The following SLC4A10 variants were observed in gnomAD, a reference collection of about 807,000 sequenced individuals.
SLC4A10 encodes solute carrier family 4 member 10.
A neutral mutation model predicts 137.7 loss-of-function variants in SLC4A10; 42 were observed. The observed-to-expected ratio is 0.30, with a 90% CI of 0.24 to 0.39. SLC4A10 has a LOEUF of 0.39. Ranked by LOEUF, SLC4A10 falls within the 10% of genes least tolerant of loss-of-function variation. The probability of loss-of-function intolerance (pLI) is 1.00; values close to 1 mark genes in which losing one functional copy is unlikely to be tolerated. For missense variants in SLC4A10, 925 were observed against 1,355.0 expected (o/e 0.68, Z 4.98); for synonymous variants, 474 against 464.1 (o/e 1.02, Z -0.27).
chr2:161,955,664 TAAGAAAAC>T (rs958169438), intron 19 of SLC4A10, among the ~76,000 whole-genome samples: 3 of 152,152 alleles, frequency 2.0e-5, no homozygotes, highest in African/African-American at 7.2e-5. Flanking sequence ...ACCTTCTTAC[TAAGAAAAC>T]AAGAAAACAA....
chr2:161,817,224 T>C (rs1205781247), intron 3 of SLC4A10, among the ~76,000 whole-genome samples: 1 of 152,262 alleles, frequency 6.6e-6, no homozygotes, highest in Non-Finnish European at 1.5e-5. Context: ...ATTTCTCTGA[T>C]GGCCAGTGAT....
Position 161,848,600 on chromosome 2 carries a change from G to A in SLC4A10, c.417-6370G>A, listed in dbSNP as rs1037725413. Among the ~76,000 whole-genome samples the A allele has an allele frequency of 3.6e-4, 54 of 152,026 alleles. 1 individual carries two copies. Among genetic ancestry groups the A allele is most frequent in the Non-Finnish European group, 4.4e-5 (3 of 68,008 alleles). On this transcript the variant is annotated intron_variant, in intron 4 of 26. Coordinates refer to ENST00000446997, the MANE Select transcript of SLC4A10 (RefSeq NM_001178015.2). ...GTCCCGTTTCAATCTTCTGCATATG[G>A]CTAGCCAGTTATCCCAGCAGCATTT...
intron 1 of SLC4A10, among the ~76,000 whole-genome samples, chr2:161,671,407 T>C (rs1048998706): frequency 1.3e-5 from 2 of 152,206 alleles, no homozygotes; most frequent in Non-Finnish European, 2.9e-5. Context: ...TATTTTGTTA[T>C]AGCAACACTA....
At chr2:161,981,051 G>C (rs1700151638) in intron 26 of SLC4A10, among the ~76,000 whole-genome samples, 1 of 152,170 alleles carries the variant, frequency 6.6e-6, no homozygotes, top group Non-Finnish European at 1.5e-5. Context: ...CTATGGTTAT[G>C]ATGAAGAGGG....
At chr2:161,827,299 G>A (rs2058078379) in intron 3 of SLC4A10, among the ~76,000 whole-genome samples, 1 of 152,028 alleles carries the variant, frequency 6.6e-6, no homozygotes, top group African/African-American at 2.4e-5. Context: ...CTCTCTTCCA[G>A]AATCCAATCT....
At chr2:161,726,097 T>A (rs2046192366) in intron 1 of SLC4A10, among the ~76,000 whole-genome samples, 2 of 152,188 alleles carry the variant, frequency 1.3e-5, no homozygotes, top group Admixed American at 6.5e-5. Context: ...AGATTATGTT[T>A]TATAGATTTA....
At position 161,933,183 on chromosome 2, in the gene SLC4A10, T is replaced by TTTC. The variant is rs1553631410; in HGVS notation, c.1998-9607_1998-9606insCTT. On this transcript the variant is annotated intron_variant, in intron 15 of 26. Transcript: ENST00000446997. ...CTTTCTTTCTCTTTCCCCTTCCTTC[T>TTTC]TTTCTTTCTTTCTTTCTTTCTTTCT... Among the ~76,000 whole-genome samples the TTTC allele has an allele frequency of 6.9e-4, 67 of 97,684 alleles. 1 individual carries two copies. The highest frequency in any genetic ancestry group is 4.8e-3 in the Middle Eastern group (1 of 208). 64.1% of individuals were successfully genotyped at this position (97,684 alleles called of 152,430 possible). A position where few individuals can be genotyped will look rare whatever the true frequency, so the allele number is the denominator to read the frequency against.
chr2:161,695,162 G>A (rs1178269431), intron 1 of SLC4A10, among the ~76,000 whole-genome samples: 1 of 152,020 alleles, frequency 6.6e-6, no homozygotes, highest in Non-Finnish European at 1.5e-5. Context: ...AATCTCTAGA[G>A]CCAATTGAGT....
chr2:161,739,504 C>T (rs1010397582), intron 1 of SLC4A10, among the ~76,000 whole-genome samples: 14 of 152,110 alleles, frequency 9.2e-5, no homozygotes, highest in Non-Finnish European at 1.3e-4. Flanking sequence ...GTTGGCCATC[C>T]AAATTGTGTA....
intron 1 of SLC4A10, among the ~76,000 whole-genome samples, chr2:161,701,330 A>G (rs1250488219): frequency 6.6e-6 from 1 of 152,052 alleles, no homozygotes; most frequent in African/African-American, 2.4e-5. Flanking sequence ...ATTTAAAAAG[A>G]CAAAACCTGT....
At position 161,822,671 on chromosome 2, in the gene SLC4A10, A is replaced by T. The variant is rs114916722; in HGVS notation, c.278-17118A>T. Among the ~76,000 whole-genome samples the T allele has an allele frequency of 8.7e-3, 1,322 of 152,280 alleles. 15 individuals are homozygous for T. The highest frequency in any genetic ancestry group is 0.03 in the African/African-American group (1,249 of 41,560). ...ATTATGTAGTTTTTGTATATTATGTATTTTTATATTAAAAATGTATGGGCC... is the reference window on the plus strand; with the variant it reads ...ATTATGTAGTTTTTGTATATTATGTTTTTTTATATTAAAAATGTATGGGCC... On this transcript the variant is annotated intron_variant, in intron 3 of 26. Coordinates refer to ENST00000446997, the MANE Select transcript of SLC4A10 (RefSeq NM_001178015.2).
At chr2:161,949,738 A>G (rs1285141377) in intron 18 of SLC4A10, among the ~76,000 whole-genome samples, 2 of 151,510 alleles carry the variant, frequency 1.3e-5, no homozygotes, top group African/African-American at 4.8e-5. Context: ...ATTTTGAAAT[A>G]TTTGCAAACA....
At chr2:161,887,016 C>G (rs2062379403) in intron 10 of SLC4A10, among the ~76,000 whole-genome samples, 1 of 152,032 alleles carries the variant, frequency 6.6e-6, no homozygotes, top group South Asian at 2.1e-4. Context: ...TGTTCAACTC[C>G]CACTTATAAG....
rs558258725 is a variant in SLC4A10, at chr2:161,832,720, T to C, written c.278-7069T>C. On this transcript the variant is annotated intron_variant, in intron 3 of 26. Coordinates refer to ENST00000446997, the MANE Select transcript of SLC4A10 (RefSeq NM_001178015.2). Reference sequence around the variant, plus strand: ...AGAGGAACAAGTTTGCATTTTCTTTTTTTGTTGTTGTTGTTTTGTTTTGTT... The same window carrying C: ...AGAGGAACAAGTTTGCATTTTCTTTCTTTGTTGTTGTTGTTTTGTTTTGTT... Among the ~76,000 whole-genome samples the C allele has an allele frequency of 6.6e-5, 10 of 151,724 alleles. No individual in the cohort carries two copies. The East Asian group carries it at 1.9e-3, about 29-fold the overall frequency.
intron 15 of SLC4A10, among the ~76,000 whole-genome samples, chr2:161,937,782 CAT>C (rs1197029105): frequency 6.6e-6 from 1 of 152,100 alleles, no homozygotes; most frequent in Non-Finnish European, 1.5e-5. Context: ...TGTTACCAAA[CAT>C]GTGGAACAAA....
At chr2:161,836,045 T>C (rs1056006695) in intron 3 of SLC4A10, among the ~76,000 whole-genome samples, 2 of 152,238 alleles carry the variant, frequency 1.3e-5, no homozygotes, top group African/African-American at 4.8e-5. Context: ...GTTAGATTTA[T>C]CCGTGACTGA....
chr2:161,817,730 A>G (rs1376334265), intron 3 of SLC4A10, among the ~76,000 whole-genome samples: 1 of 152,124 alleles, frequency 6.6e-6, no homozygotes, highest in East Asian at 1.9e-4. Context: ...CATTTATTAA[A>G]TAGGGAATTC....
intron 1 of SLC4A10, among the ~76,000 whole-genome samples, chr2:161,767,103 A>C (rs1490091727): frequency 7.1e-5 from 3 of 42,424 alleles, no homozygotes; most frequent in Non-Finnish European, 1.2e-4. Context: ...GCATATATAT[A>C]TATATATATA....
intron 1 of SLC4A10, among the ~76,000 whole-genome samples, chr2:161,714,389 A>G (rs574267517): frequency 2.6e-5 from 4 of 151,878 alleles, no homozygotes; most frequent in Non-Finnish European, 4.4e-5. Flanking sequence ...CAAAAAGCAA[A>G]TAGAAGGCAT....
Sources: gnomAD v4.1 joint callset for allele counts (sites outside exome capture counted in the v4.1 genomes callset) on GRCh38, gnomAD v4.1.1 for gene constraint, MANE v1.5 for transcripts, NCBI Gene and HGNC (gene_info 2026-07-23, HGNC 2026-07-21) for gene names.